NIPBL: variants seen among roughly 807,000 people sequenced by gnomAD.
NIPBL encodes NIPBL cohesin loading factor, also known as nipped-B-like protein.
A neutral mutation model predicts 321.8 loss-of-function variants in NIPBL; 19 were observed. The ratio of observed to expected loss-of-function variants is 0.06; its 90% CI spans 0.04 to 0.09. The LOEUF (loss-of-function observed/expected upper bound fraction) is 0.09. NIPBL is among the 10% of genes least tolerant of loss of function. The probability of loss-of-function intolerance (pLI) is 1.00; values close to 1 mark genes in which losing one functional copy is unlikely to be tolerated. For missense variants in NIPBL, 2,210 were observed against 3,327.0 expected, an observed-to-expected ratio of 0.66 and a Z score of 8.26; for synonymous variants, 1,106 against 1,114.1, an observed-to-expected ratio of 0.99 and a Z score of 0.14.
rs969342117 is a variant in NIPBL, at chr5:36,932,067, CT to C, written c.-79-21548del. On this transcript the variant is annotated intron_variant, in intron 1 of 46. Coordinates refer to ENST00000282516, the MANE Select transcript of NIPBL (RefSeq NM_133433.4). ...TTGACCCATTGATTTTCTCAGATTT[CT>C]TTCGGTTATGGGTTTTAATTTTATT... 2.6e-5 allele frequency among the ~76,000 whole-genome samples: 4 copies of C among 152,150 alleles called. No homozygotes were observed. In the South Asian group the frequency reaches 8.3e-4, roughly 32 times the overall value.
chr5:36,921,440 T>C (rs1008823642), intron 1 of NIPBL, among the ~76,000 whole-genome samples: 3 of 152,240 alleles, frequency 2.0e-5, no homozygotes, highest in Non-Finnish European at 4.4e-5. Context: ...TGTCTTACAA[T>C]TCTGTGCCTG....
chr5:37,030,254 T>G (rs1435353626), intron 32 of NIPBL, among the ~76,000 whole-genome samples: 1 of 152,206 alleles, frequency 6.6e-6, no homozygotes, highest in Non-Finnish European at 1.5e-5. Flanking sequence ...ATCCTATTCA[T>G]GCTCTCTATT....
At chr5:36,934,728 T>C (rs1750028585) in intron 1 of NIPBL, among the ~76,000 whole-genome samples, 1 of 151,802 alleles carries the variant, frequency 6.6e-6, no homozygotes, top group African/African-American at 2.4e-5. Flanking sequence ...GAATCATGAA[T>C]GAATTCCCAC....
At chr5:37,003,811 A>T (rs1747103592) in intron 16 of NIPBL, among the ~76,000 whole-genome samples, 1 of 152,228 alleles carries the variant, frequency 6.6e-6, no homozygotes, top group South Asian at 2.1e-4. Context: ...TTAATGTTAC[A>T]CATTGTCAAT....
chr5:36,980,946 G>A (rs1351498738), intron 9 of NIPBL, among the ~76,000 whole-genome samples: 1 of 151,676 alleles, frequency 6.6e-6, no homozygotes, highest in Non-Finnish European at 1.5e-5. Flanking sequence ...GTCCAAGGGT[G>A]TAGGTGAGGT....
chr5:37,008,330 A>G (rs769697475), intron 19 of NIPBL, among the ~76,000 whole-genome samples: 1 of 152,106 alleles, frequency 6.6e-6, no homozygotes, highest in Non-Finnish European at 1.5e-5. Flanking sequence ...ATTTGCAAAT[A>G]TTTCAGCTAA....
intron 34 of NIPBL, among the ~76,000 whole-genome samples, chr5:37,043,476 A>C (rs998923889): frequency 1.3e-5 from 2 of 151,918 alleles, no homozygotes; most frequent in African/African-American, 2.4e-5. Context: ...GCAGTGAGCC[A>C]AGATCATGCC....
At chr5:37,053,438 A>ATG (rs1416790080) in intron 42 of NIPBL, among the ~76,000 whole-genome samples, 1 of 152,228 alleles carries the variant, frequency 6.6e-6, no homozygotes, top group Non-Finnish European at 1.5e-5. Context: ...ATACAAACCT[A>ATG]TGTTAAAGTT....
rs1200456981 is a variant in NIPBL at position 36,960,371 on chromosome 5, GA to G, written c.359-1100del. Among the ~76,000 whole-genome samples, 140 of 111,382 alleles carry G rather than the reference GA, an allele frequency of 1.3e-3. 1 individual carries two copies. Among genetic ancestry groups the G allele is most frequent in the Admixed American group, 5.0e-3 (57 of 11,444 alleles). 73.1% of individuals were successfully genotyped at this position (111,382 alleles called of 152,430 possible). A position where few individuals can be genotyped will look rare whatever the true frequency, so the allele number is the denominator to read the frequency against. ...TGTTCATCTCCCTCCAAAAGAAAAA[GA>G]AAAAAAAAAAAACCTCCAGCAACAA... On this transcript the variant is annotated intron_variant, in intron 4 of 46. Coordinates refer to ENST00000282516, the MANE Select transcript of NIPBL (RefSeq NM_133433.4).
In NIPBL at chr5:36,985,858, C is replaced by T; in HGVS notation, c.2678C>T (p.Pro893Leu). Reference protein sequence around the residue: ...SGEQKSRPDSPRVKQGDSNKS... With the variant: ...SGEQKSRPDSLRVKQGDSNKS... The stretch of plus-strand genomic sequence containing the variant: ...GAACAAAAATCAAGACCTGACAGTC[C>T]TCGTGTTAAACAAGGAGATTCTAAT... The change falls in exon 10 of 47, where the codon CCT becomes CTT. Residue 893 changes from proline to leucine, a missense_variant. Coordinates refer to ENST00000282516, the MANE Select transcript of NIPBL (RefSeq NM_133433.4). 2.5e-6 allele frequency: 4 copies of T among 1,613,796 alleles called. No homozygotes were observed. The highest frequency in any genetic ancestry group is 1.7e-4 in the Middle Eastern group (1 of 6,060).
chr5:36,968,834 A>C (rs1449691281), intron 6 of NIPBL, among the ~76,000 whole-genome samples: 2 of 152,202 alleles, frequency 1.3e-5, no homozygotes, highest in Non-Finnish European at 2.9e-5. Context: ...CAATACAGGA[A>C]GATAAGAAGC....
intron 20 of NIPBL, 117 bp downstream of exon 20, chr5:37,008,840 T>C (rs1747748597): frequency 1.4e-6 from 1 of 706,924 alleles, no homozygotes; most frequent in Non-Finnish European, 2.6e-6. Context: ...ACTAGGCAGT[T>C]ACATCAGAAC....
chr5:36,924,871 G>A (rs144122151), intron 1 of NIPBL, among the ~76,000 whole-genome samples: 47 of 151,982 alleles, frequency 3.1e-4, no homozygotes, highest in African/African-American at 1.1e-3. Context: ...AATTCCTGGG[G>A]GCCTCTATTA....
At chr5:36,885,573 G>A in intron 1 of NIPBL, 1 of 531,928 alleles carries the variant, frequency 1.9e-6, no homozygotes, top group Non-Finnish European at 3.7e-6. Flanking sequence ...CCCCAGGTCA[G>A]AGACTGGGGC....
At chr5:37,034,614 C>T (rs1751482138) in intron 32 of NIPBL, among the ~76,000 whole-genome samples, 1 of 152,144 alleles carries the variant, frequency 6.6e-6, no homozygotes, top group South Asian at 2.1e-4. Flanking sequence ...AAGCAAATCT[C>T]AGAAGACTAC....
intron 27 of NIPBL, 74 bp downstream of exon 27, chr5:37,020,951 TATC>T: frequency 1.0e-6 from 1 of 997,286 alleles, no homozygotes; most frequent in Non-Finnish European, 1.6e-6. Flanking sequence ...CAGTATATAA[TATC>T]ATTCATTGTT....
At chr5:36,968,228 G>A (rs1742457178) in intron 6 of NIPBL, among the ~76,000 whole-genome samples, 1 of 152,014 alleles carries the variant, frequency 6.6e-6, no homozygotes, top group African/African-American at 2.4e-5. Context: ...CTGGGGTCCT[G>A]TGAGCCTTTT....
chr5:37,014,749 T>A lies in NIPBL; in HGVS notation c.4627T>A (p.Ser1543Thr). 1 of 1,595,486 alleles carries A rather than the reference T, an allele frequency of 6.3e-7. No individual in the cohort carries two copies. The highest frequency in any genetic ancestry group is 8.6e-7 in the Non-Finnish European group (1 of 1,163,122). The change falls in exon 22 of 47, where the codon TCC becomes ACC. Residue 1543 changes from serine to threonine, a missense_variant. Physicochemically the swap from Ser to Thr is moderately conservative, Grantham distance 58. This residue lies in a region of NIPBL where 381 missense variants were observed against 642.3 expected (regional missense o/e 0.59). Transcript: ENST00000282516. The part of the protein sequence containing the change: ...TAMRTAQNFL[S>T]IFLKKCGSKQ... ...TATGCGAACAGCCCAAAACTTCCTC[T>A]CCATCTTCCTTAAAAAGTGAGTAAA...
At chr5:37,047,670 T>C (rs888736277) in intron 38 of NIPBL, among the ~76,000 whole-genome samples, 2 of 152,234 alleles carry the variant, frequency 1.3e-5, no homozygotes, top group African/African-American at 4.8e-5. Context: ...TCAGAAAATA[T>C]TGCCTCTAGA....
Sources: gnomAD v4.1 joint callset for allele counts (sites outside exome capture counted in the v4.1 genomes callset) on GRCh38, gnomAD v4.1.1 for gene constraint, gnomAD v4.1.1 regional missense constraint, MANE v1.5 for transcripts, NCBI Gene and HGNC (gene_info 2026-07-23, HGNC 2026-07-21) for gene names.